Variants in COL24A1 observed in about 807,000 individuals in gnomAD.
COL24A1 encodes collagen type XXIV alpha 1 chain, also known as collagen alpha-1(XXIV) chain.
In COL24A1, 224 loss-of-function variants were observed where a neutral mutation model predicts 253.9. The observed-to-expected ratio is 0.88, with a 90% CI of 0.79 to 0.99. The LOEUF is 0.99. Among genes scored for constraint, COL24A1 ranks in the 50% least tolerant of loss-of-function variants. The pLI, the probability that COL24A1 is intolerant of heterozygous loss-of-function variation, is 0.00. For missense variants in COL24A1, 2,131 were observed against 2,068.5 expected, an observed-to-expected ratio of 1.03 and a Z score of -0.59; for synonymous variants, 685 against 673.7, an observed-to-expected ratio of 1.02 and a Z score of -0.26.
chr1:86,059,083 G>C (rs755591132), intron 9 of COL24A1, 38 bp downstream of exon 9: 3 of 1,440,520 alleles, frequency 2.1e-6, no homozygotes, highest in African/African-American at 2.9e-5. Context: ...TTAATAAATA[G>C]GAACACAAAG....
chr1:85,918,439 T>G (rs1320788916), intron 24 of COL24A1, among the ~76,000 whole-genome samples: 3 of 152,202 alleles, frequency 2.0e-5, no homozygotes, highest in Non-Finnish European at 2.9e-5. Context: ...TAGTCTATCT[T>G]ATGATGATTT....
At chr1:85,926,622 A>C (rs1687264249) in intron 24 of COL24A1, among the ~76,000 whole-genome samples, 3 of 151,978 alleles carry the variant, frequency 2.0e-5, no homozygotes, top group Non-Finnish European at 4.4e-5. Context: ...AACAATGAGT[A>C]CACTTGGACA....
intron 11 of COL24A1, among the ~76,000 whole-genome samples, chr1:86,049,294 T>G (rs1462903541): frequency 2.6e-5 from 4 of 152,182 alleles, no homozygotes; most frequent in African/African-American, 9.7e-5. Context: ...CACAAGTAAT[T>G]ACAAGAAAAT....
rs147829191 is a variant in COL24A1 at position 86,003,770 on chromosome 1, G to T, written c.2310+13381C>A. ...CAATGGCATGGCTATCTGGTCAGGG[G>T]CCTGGGAGGAAAAAAAAATAGAGGA... On this transcript the variant is annotated intron_variant, in intron 19 of 59. Coordinates refer to ENST00000370571, the MANE Select transcript of COL24A1 (RefSeq NM_152890.7). 1.8e-4 allele frequency among the ~76,000 whole-genome samples: 26 copies of T among 141,538 alleles called. No homozygotes were observed. In the East Asian group the frequency reaches 3.8e-3, roughly 21 times the overall value. 92.9% of individuals were successfully genotyped at this position (141,538 alleles called of 152,430 possible).
chr1:85,773,725 C>A (rs1462710109), intron 53 of COL24A1, among the ~76,000 whole-genome samples: 2 of 152,108 alleles, frequency 1.3e-5, no homozygotes, highest in Non-Finnish European at 2.9e-5. Flanking sequence ...GATTTTGTAT[C>A]CTGAGACTTT....
At chr1:85,926,987 T>C (rs1687325606) in intron 24 of COL24A1, among the ~76,000 whole-genome samples, 1 of 152,154 alleles carries the variant, frequency 6.6e-6, no homozygotes, top group Non-Finnish European at 1.5e-5. Flanking sequence ...ATCACCAGGT[T>C]GATGGTAACC....
intron 3 of COL24A1, among the ~76,000 whole-genome samples, chr1:86,119,834 C>T (rs955641265): frequency 6.6e-6 from 1 of 151,880 alleles, no homozygotes; most frequent in South Asian, 2.1e-4. Flanking sequence ...AGTGAGAGGA[C>T]AGGAAAATAA....
intron 48 of COL24A1, among the ~76,000 whole-genome samples, chr1:85,784,864 G>T (rs1558116073): frequency 6.6e-6 from 1 of 151,942 alleles, no homozygotes; most frequent in Admixed American, 6.6e-5. Flanking sequence ...CTGAGTAGCT[G>T]GGACTACAGG....
At chr1:85,980,851 G>A (rs945773552) in intron 20 of COL24A1, among the ~76,000 whole-genome samples, 1 of 152,116 alleles carries the variant, frequency 6.6e-6, no homozygotes, top group Non-Finnish European at 1.5e-5. Context: ...GGAGCTTGCA[G>A]TGAGCCAAGA....
Position 85,997,008 on chromosome 1 carries a change from CAT to C in COL24A1, c.2311-9356_2311-9355del, listed in dbSNP as rs1005148817. Reference sequence around the variant, plus strand: ...TCAAATGGGATATCTTGTTTTCTTTCATATATATATGTGTGTGTGTATATATA... The same window carrying C: ...TCAAATGGGATATCTTGTTTTCTTTCATATATATGTGTGTGTGTATATATA... On this transcript the variant is annotated intron_variant, in intron 19 of 59. Transcript: ENST00000370571. Among the ~76,000 whole-genome samples the C allele has an allele frequency of 1.9e-4, 23 of 120,626 alleles. No homozygotes were observed. In the East Asian group the frequency reaches 4.4e-3, roughly 23 times the overall value. The allele number at this position is 120,626 out of a possible 152,430, so 79.1% of individuals were successfully genotyped here.
At chr1:85,939,586 T>C (rs1306920665) in intron 24 of COL24A1, among the ~76,000 whole-genome samples, 1 of 152,140 alleles carries the variant, frequency 6.6e-6, no homozygotes, top group Admixed American at 6.6e-5. Context: ...TCATACTAAG[T>C]AATAAATCTT....
intron 47 of COL24A1, among the ~76,000 whole-genome samples, chr1:85,804,809 C>T (rs552915431): frequency 4.6e-5 from 7 of 151,882 alleles, no homozygotes; most frequent in African/African-American, 1.7e-4. Flanking sequence ...AGAGCCAAAC[C>T]ATATCAACAG....
intron 7 of COL24A1, among the ~76,000 whole-genome samples, chr1:86,087,528 T>C (rs1427513022): frequency 3.3e-5 from 5 of 152,232 alleles, no homozygotes; most frequent in African/African-American, 1.2e-4. Context: ...ATTTACTTAA[T>C]GTGTCCTTTT....
chr1:86,107,873 C>T (rs1003584408), intron 5 of COL24A1, among the ~76,000 whole-genome samples: 14 of 152,112 alleles, frequency 9.2e-5, no homozygotes, highest in Non-Finnish European at 1.8e-4. Flanking sequence ...TCAGTTTTAG[C>T]TAGTTTGGAC....
intron 7 of COL24A1, among the ~76,000 whole-genome samples, chr1:86,083,564 T>C (rs1031469965): frequency 2.0e-5 from 3 of 152,082 alleles, no homozygotes; most frequent in Non-Finnish European, 4.4e-5. Context: ...TGTCTAGTCT[T>C]GGGAAGCTGA....
At chr1:86,020,172 A>G (rs61800686) in intron 18 of COL24A1, among the ~76,000 whole-genome samples, 29,584 of 146,762 alleles carry the variant, frequency 0.2, 3,157 homozygotes, top group Middle Eastern at 0.32. Context: ...GATTCAAGCG[A>G]TTCTCCTGCC....
At position 85,891,948 on chromosome 1, in the gene COL24A1, T is replaced by C. The variant is rs1683173673; in HGVS notation, c.2923-2335A>G. ...TAAGGCTTTTCAGAACTCCCTTCTC[T>C]ATGACTTCAACCCAGTAACTATGAT... is the stretch of plus-strand genomic sequence containing the variant. On this transcript the variant is annotated intron_variant, in intron 31 of 59. Transcript: ENST00000370571. Among the ~76,000 whole-genome samples, 3 of 152,210 alleles carry C rather than the reference T, an allele frequency of 2.0e-5. No homozygotes were observed. The South Asian group carries it at 6.2e-4, about 32-fold the overall frequency.
intron 18 of COL24A1, among the ~76,000 whole-genome samples, chr1:86,021,957 T>A (rs897998174): frequency 1.3e-4 from 20 of 152,222 alleles, no homozygotes; most frequent in African/African-American, 4.8e-4. Context: ...TCAAAGCCTA[T>A]TGTTTTAATT....
At chr1:86,035,757 A>G (rs1229440172) in intron 12 of COL24A1, among the ~76,000 whole-genome samples, 1 of 152,160 alleles carries the variant, frequency 6.6e-6, no homozygotes, top group Admixed American at 6.6e-5. Flanking sequence ...TTCTTAAAAA[A>G]CAACCTGAAC....
Sources: allele counts gnomAD v4.1 joint callset (sites outside exome capture counted in the v4.1 genomes callset), GRCh38; gene constraint gnomAD v4.1.1; transcripts MANE v1.5; gene names NCBI Gene and HGNC (gene_info 2026-07-23, HGNC 2026-07-21).